Variants in TRHDE observed in about 807,000 individuals in gnomAD.
TRHDE encodes thyrotropin releasing hormone degrading enzyme.
In TRHDE, 72 loss-of-function variants were observed where a neutral mutation model predicts 125.7. The observed-to-expected ratio is 0.57, with a 90% CI of 0.47 to 0.70. TRHDE has a LOEUF of 0.70. TRHDE is among the 30% of genes least tolerant of loss of function. The pLI is 0.00. For synonymous variants in TRHDE, 509 were observed against 509.1 expected, an observed-to-expected ratio of 1.00 and a Z score of 0.00; for missense variants, 1,110 against 1,327.1, an observed-to-expected ratio of 0.84 and a Z score of 2.54.
chr12:72,380,023 A>G (rs2135778244), intron 3 of TRHDE, among the ~76,000 whole-genome samples: 1 of 152,310 alleles, frequency 6.6e-6, no homozygotes, highest in East Asian at 1.9e-4. Flanking sequence ...TCTACTTTCC[A>G]TTATACATTA....
rs1272464422 is a variant in TRHDE, at chr12:72,517,191, A to G, written c.1722+17556A>G. Among the ~76,000 whole-genome samples, 8 of 150,914 alleles carry G rather than the reference A, an allele frequency of 5.3e-5. No individual in the cohort carries two copies. In the South Asian group the frequency reaches 6.3e-4, roughly 12 times the overall value. ...GTTAGGGAGGATTCCCTCTTTTTCT[A>G]TTGATTGGAATAGTTTCAGAAGGAA... On this transcript the variant is annotated intron_variant, in intron 6 of 18. Coordinates refer to ENST00000261180, the MANE Select transcript of TRHDE (RefSeq NM_013381.3).
At chr12:72,656,835 C>G (rs908213611) in intron 17 of TRHDE, 92 bp from the exon 18 acceptor site, 2 of 858,568 alleles carry the variant, frequency 2.3e-6, no homozygotes, top group Admixed American at 2.2e-5. Context: ...CTGAGCAAAT[C>G]GAACCCTTGA....
intron 12 of TRHDE, among the ~76,000 whole-genome samples, chr12:72,607,687 A>G (rs927335421): frequency 1.3e-5 from 2 of 152,138 alleles, no homozygotes; most frequent in Non-Finnish European, 2.9e-5. Context: ...TTCAAGTCAT[A>G]GCAGTTTTTA....
intron 2 of TRHDE, among the ~76,000 whole-genome samples, chr12:72,297,318 T>A (rs566244642): frequency 1.3e-5 from 2 of 150,752 alleles, no homozygotes; most frequent in South Asian, 4.2e-4. Context: ...AAAATAAGAG[T>A]AGAGATATGA....
At chr12:72,435,905 G>C (rs1467380914) in intron 3 of TRHDE, among the ~76,000 whole-genome samples, 1 of 151,082 alleles carries the variant, frequency 6.6e-6, no homozygotes, top group Non-Finnish European at 1.5e-5. Flanking sequence ...TCATTAAGTA[G>C]GAAAGGCAAA....
chr12:72,442,089 C>T (rs541480191), intron 3 of TRHDE, among the ~76,000 whole-genome samples: 41 of 151,748 alleles, frequency 2.7e-4, no homozygotes, highest in African/African-American at 7.0e-4. Context: ...GTAAATGATG[C>T]CGGGATTATT....
chr12:72,575,193 A>G, intron 10 of TRHDE, 62 bp from the exon 11 acceptor site: 2 of 1,541,926 alleles, frequency 1.3e-6, no homozygotes, highest in Non-Finnish European at 1.8e-6. Context: ...CGTTAAGAAA[A>G]CATACTTCAT....
At position 72,562,833 on chromosome 12, in the gene TRHDE, G is replaced by A. The variant is rs2272505; in HGVS notation, c.1855-20G>A. On this transcript the variant is annotated intron_variant, in intron 8 of 18. Coordinates refer to ENST00000261180, the MANE Select transcript of TRHDE (RefSeq NM_013381.3). Reference sequence around the variant, plus strand: ...TAATTCATGTTTATAAAACTAATTTGTACATTTTTCCTTGTGAAGGCTTTA... The same window carrying A: ...TAATTCATGTTTATAAAACTAATTTATACATTTTTCCTTGTGAAGGCTTTA... The A allele has an allele frequency of 0.15, 225,923 of 1,476,382 alleles. 27,289 individuals carry two copies. Among genetic ancestry groups the A allele is most frequent in the African/African-American group, 0.55 (38,285 of 69,998 alleles). The allele number at this position is 1,476,382 out of a possible 1,614,324, so 91.5% of individuals were successfully genotyped here.
At chr12:72,480,673 G>C (rs1168473214) in intron 5 of TRHDE, among the ~76,000 whole-genome samples, 1 of 152,046 alleles carries the variant, frequency 6.6e-6, no homozygotes, top group African/African-American at 2.4e-5. Flanking sequence ...ACTAAACCTG[G>C]AGTCTAACAA....
intron 1 of TRHDE, chr12:72,274,035 T>A (rs998951514): frequency 6.3e-6 from 1 of 159,714 alleles, no homozygotes; most frequent in Admixed American, 6.0e-5. Context: ...AACATGCCCA[T>A]CTTCCCTGAC....
chr12:72,418,504 A>G (rs761859173), intron 3 of TRHDE, among the ~76,000 whole-genome samples: 4 of 152,114 alleles, frequency 2.6e-5, no homozygotes, highest in Admixed American at 6.6e-5. Flanking sequence ...TACAAAAGTG[A>G]GTAAAATGGA....
At chr12:72,487,893 A>T (rs375680233) in intron 5 of TRHDE, among the ~76,000 whole-genome samples, 2 of 152,254 alleles carry the variant, frequency 1.3e-5, no homozygotes, top group East Asian at 3.9e-4. Context: ...GTGGAGGGAG[A>T]TGGTAAAAGT....
chr12:72,551,934 G>A (rs1869695931), intron 7 of TRHDE, among the ~76,000 whole-genome samples: 1 of 152,144 alleles, frequency 6.6e-6, no homozygotes, highest in Admixed American at 6.6e-5. Flanking sequence ...ACGGGGGTCA[G>A]GGAGATTCCA....
chr12:72,624,807 C>T (rs1873192375), intron 15 of TRHDE, among the ~76,000 whole-genome samples: 1 of 151,390 alleles, frequency 6.6e-6, no homozygotes, highest in Non-Finnish European at 1.5e-5. Flanking sequence ...CTAAGCTCAA[C>T]AAAAAAGCAC....
intron 7 of TRHDE, among the ~76,000 whole-genome samples, chr12:72,544,964 GCTTT>G (rs2135990739): frequency 6.6e-6 from 1 of 151,378 alleles, no homozygotes; most frequent in African/African-American, 2.4e-5. Context: ...GACTCTAGAG[GCTTT>G]CTGAGAAAAA....
intron 3 of TRHDE, among the ~76,000 whole-genome samples, chr12:72,429,248 A>T (rs896421286): frequency 6.6e-6 from 1 of 151,832 alleles, no homozygotes; most frequent in African/African-American, 2.4e-5. Context: ...AATGTAGCTG[A>T]CAGGTTGATG....
chr12:72,492,303 C>T (rs1877719393), intron 5 of TRHDE, among the ~76,000 whole-genome samples: 1 of 151,908 alleles, frequency 6.6e-6, no homozygotes, highest in African/African-American at 2.4e-5. Flanking sequence ...TAATTTTTCA[C>T]TGGTAAATCT....
At chr12:72,377,242 C>T (rs191507906) in intron 2 of TRHDE, among the ~76,000 whole-genome samples, 94 of 150,840 alleles carry the variant, frequency 6.2e-4, no homozygotes, top group African/African-American at 2.2e-3. Context: ...GAAAACTAAT[C>T]TCATTTTAAC....
intron 2 of TRHDE, among the ~76,000 whole-genome samples, chr12:72,364,988 AG>A (rs2135756435): frequency 6.6e-6 from 1 of 152,236 alleles, no homozygotes; most frequent in African/African-American, 2.4e-5. Context: ...CAAAAGAGGT[AG>A]TCTGTTTCAC....
Sources: gnomAD v4.1 joint callset for allele counts (sites outside exome capture counted in the v4.1 genomes callset) on GRCh38, gnomAD v4.1.1 for gene constraint, MANE v1.5 for transcripts, NCBI Gene and HGNC (gene_info 2026-07-23, HGNC 2026-07-21) for gene names.